MIR2052HG: variants seen among roughly 807,000 people sequenced by gnomAD.
MIR2052HG encodes the protein MIR2052 host gene.
chr8:74,716,673 G>A (rs1413012891), intron 4 of MIR2052HG, among the ~76,000 whole-genome samples: 1 of 152,040 alleles, frequency 6.6e-6, no homozygotes, highest in African/African-American at 2.4e-5. Flanking sequence ...TCATGCCACT[G>A]TACTCCAGCC....
chr8:74,726,068 C>A (rs1425352375), intron 4 of MIR2052HG, among the ~76,000 whole-genome samples: 1 of 152,022 alleles, frequency 6.6e-6, no homozygotes, highest in Non-Finnish European at 1.5e-5. Context: ...TCGTGGGCAC[C>A]TGTAATCTCA....
In MIR2052HG at chr8:74,749,600, C is replaced by T. The variant is rs150179568; in HGVS notation, n.372-2841C>T. The stretch of plus-strand genomic sequence containing the variant: ...GCACAGTGGCTCACGTCTGTAATCC[C>T]AGCACTTTGGGAGGCTGAGGTGGGT... On this transcript the variant is annotated intron_variant and non_coding_transcript_variant, in intron 4 of 6. Transcript: ENST00000523442. Among the ~76,000 whole-genome samples the T allele has an allele frequency of 3.9e-5, 6 of 152,188 alleles. No individual in the cohort carries two copies. The East Asian group carries it at 1.2e-3, about 29-fold the overall frequency.
intron 2 of MIR2052HG, among the ~76,000 whole-genome samples, chr8:74,692,239 C>T (rs1809246676): frequency 1.3e-5 from 2 of 152,132 alleles, no homozygotes; most frequent in South Asian, 4.1e-4. Context: ...TACAGGAGTG[C>T]ATCACTGCAC....
chr8:74,628,925 A>G (rs1808472699), intron 2 of MIR2052HG: 1 of 152,178 alleles, frequency 6.6e-6, no homozygotes, highest in Non-Finnish European at 1.5e-5. Context: ...TTGATGGCAT[A>G]GACAGGAGCT....
At chr8:74,682,588 C>T (rs1809137628) in intron 2 of MIR2052HG, among the ~76,000 whole-genome samples, 1 of 151,910 alleles carries the variant, frequency 6.6e-6, no homozygotes, top group Non-Finnish European at 1.5e-5. Context: ...CAGGAAAATG[C>T]AAATAAAAGC....
intron 4 of MIR2052HG, among the ~76,000 whole-genome samples, chr8:74,733,309 C>T (rs1296371569): frequency 6.6e-6 from 1 of 151,964 alleles, no homozygotes; most frequent in Non-Finnish European, 1.5e-5. Flanking sequence ...TCAATTCCCA[C>T]CTATGAGTGA....
At chr8:74,686,018 CATG>C (rs1437006487) in intron 2 of MIR2052HG, among the ~76,000 whole-genome samples, 2 of 151,840 alleles carry the variant, frequency 1.3e-5, no homozygotes, top group Non-Finnish European at 2.9e-5. Flanking sequence ...TTATTATATC[CATG>C]ATAACTGCTC....
chr8:74,668,241 A>G (rs1244123660), intron 2 of MIR2052HG, among the ~76,000 whole-genome samples: 1 of 145,014 alleles, frequency 6.9e-6, no homozygotes, highest in Non-Finnish European at 1.5e-5. Flanking sequence ...TTTCTATTAC[A>G]AAAAAAAAAC....
chr8:74,655,034 C>A (rs1257394103), intron 2 of MIR2052HG, among the ~76,000 whole-genome samples: 1 of 152,144 alleles, frequency 6.6e-6, no homozygotes, highest in Non-Finnish European at 1.5e-5. Flanking sequence ...AGACTGGTGG[C>A]ATTTTGCCCC....
intron 4 of MIR2052HG, among the ~76,000 whole-genome samples, chr8:74,743,024 C>G (rs1323938197): frequency 6.6e-6 from 1 of 151,760 alleles, no homozygotes; most frequent in African/African-American, 2.4e-5. Context: ...TTCCCACTAA[C>G]TATAACTAGC....
chr8:74,716,887 C>CT (rs978888890), intron 4 of MIR2052HG, among the ~76,000 whole-genome samples: 5 of 151,796 alleles, frequency 3.3e-5, no homozygotes, highest in Non-Finnish European at 5.9e-5. Flanking sequence ...TTTGCCACTG[C>CT]TTTTTTTATA....
At chr8:74,716,605 G>T (rs2128742136) in intron 4 of MIR2052HG, among the ~76,000 whole-genome samples, 1 of 152,252 alleles carries the variant, frequency 6.6e-6, no homozygotes. Flanking sequence ...AGCTACTCAG[G>T]AGGCTGAGGC....
chr8:74,711,328 A>C (rs907367505), intron 4 of MIR2052HG, among the ~76,000 whole-genome samples: 1 of 152,204 alleles, frequency 6.6e-6, no homozygotes, highest in Non-Finnish European at 1.5e-5. Context: ...ATGAAGGGAC[A>C]CTATATTGTT....
At chr8:74,702,297 C>G in intron 2 of MIR2052HG, 1 of 287,894 alleles carries the variant, frequency 3.5e-6, no homozygotes, top group South Asian at 2.8e-5. Context: ...AAAGAATATG[C>G]ATAGTTATAT....
intron 1 of MIR2052HG, among the ~76,000 whole-genome samples, chr8:74,610,548 ACT>A (rs1025359943): frequency 4.4e-4 from 67 of 151,796 alleles, no homozygotes; most frequent in Admixed American, 2.5e-3. Context: ...AGCCAAAAAA[ACT>A]CTGAAAAAAA....
intron 2 of MIR2052HG, among the ~76,000 whole-genome samples, chr8:74,694,940 G>A (rs1229837919): frequency 1.3e-5 from 2 of 152,128 alleles, no homozygotes; most frequent in African/African-American, 4.8e-5. Context: ...AGCCTTGCTA[G>A]AGACCTGGAC....
chr8:74,603,538 G>T, intron 1 of MIR2052HG: 1 of 1,514,710 alleles, frequency 6.6e-7, no homozygotes, highest in Non-Finnish European at 9.2e-7. Flanking sequence ...CTGAGCAGAT[G>T]TATCCAAACC....
intron 1 of MIR2052HG, among the ~76,000 whole-genome samples, chr8:74,605,381 G>A (rs1808096574): frequency 6.6e-6 from 1 of 152,128 alleles, no homozygotes; most frequent in South Asian, 2.1e-4. Context: ...GATTCCTTAG[G>A]GCATTTCACA....
intron 4 of MIR2052HG, among the ~76,000 whole-genome samples, chr8:74,740,236 G>C (rs553069336): frequency 2.0e-5 from 3 of 152,202 alleles, no homozygotes; most frequent in Non-Finnish European, 4.4e-5. Context: ...GGCCGAGGCA[G>C]GTGGATCATC....
Sources: allele counts gnomAD v4.1 joint callset (sites outside exome capture counted in the v4.1 genomes callset), GRCh38; gene constraint gnomAD v4.1.1; transcripts MANE v1.5; gene names NCBI Gene and HGNC (gene_info 2026-07-23, HGNC 2026-07-21).